Variants in OXNAD1 observed in about 807,000 individuals in gnomAD.
OXNAD1 encodes oxidoreductase NAD-binding domain-containing protein 1.
Under a neutral mutation model 32.9 loss-of-function variants are expected in OXNAD1, and 34 were observed. The ratio of observed to expected loss-of-function variants is 1.03; its 90% confidence interval spans 0.79 to 1.38. OXNAD1 has a LOEUF of 1.38. OXNAD1 is among the 40% of genes most tolerant of loss of function. OXNAD1 has a pLI of 0.00. For missense variants in OXNAD1, 407 were observed against 379.4 expected (o/e 1.07, Z -0.60); for synonymous variants, 134 against 135.2 (o/e 0.99, Z 0.06).
downstream of OXNAD1, among the ~76,000 whole-genome samples, chr3:16,311,030 C>T (rs1030648966): frequency 6.8e-6 from 1 of 147,066 alleles, no homozygotes; most frequent in African/African-American, 2.5e-5. Flanking sequence ...TGGGAGAATT[C>T]CCACTCTGCC....
Position 16,288,203 on chromosome 3 carries a change from C to T in OXNAD1, c.290+1755C>T, listed in dbSNP as rs116620636. Among the ~76,000 whole-genome samples, 4,327 of 152,224 alleles carry T rather than the reference C, an allele frequency of 0.028. 97 individuals carry two copies. Among genetic ancestry groups the T allele is most frequent in the Middle Eastern group, 0.082 (24 of 294 alleles). On this transcript the variant is annotated intron_variant, in intron 5 of 8. Transcript: ENST00000285083. This position sits in a 1 kb window ranked among gnomAD's most constrained non-coding sequence, Gnocchi z 5.1. ...GCTTTGTGCTCTAGGCTGTCTCAGACCATCAGCTTGGTAGTAACAGCCATG... is the reference window on the plus strand; with the variant it reads ...GCTTTGTGCTCTAGGCTGTCTCAGATCATCAGCTTGGTAGTAACAGCCATG...
Position 16,302,295 on chromosome 3 carries a change from C to A in OXNAD1, c.676-345C>A, listed in dbSNP as rs1271820294. On this transcript the variant is annotated intron_variant, in intron 7 of 8. Transcript: ENST00000285083. The surrounding 1 kb of genome is among the most constrained non-coding windows in gnomAD (Gnocchi z 4.2). ...TGAAGAAAGCTTTCACTGGGGATTG[C>A]TTTGCAGCTGCAGGAATGAACAAAA... 6.6e-6 allele frequency among the ~76,000 whole-genome samples: 1 copy of A among 152,156 alleles called. No individual in the cohort carries two copies. The highest frequency in any genetic ancestry group is 2.1e-4 in the South Asian group (1 of 4,826).
At position 16,288,632 on chromosome 3, in the gene OXNAD1, A is replaced by C. The variant is rs1383778639; in HGVS notation, c.290+2184A>C. On this transcript the variant is annotated intron_variant, in intron 5 of 8. Coordinates refer to ENST00000285083, the MANE Select transcript of OXNAD1 (RefSeq NM_138381.5). This position sits in a 1 kb window ranked among gnomAD's most constrained non-coding sequence, Gnocchi z 5.1. Reference sequence around the variant, plus strand: ...GGGCTGGTTCCTGTAGCAATAAACCAGTTCCAAGAACTGTAGCAATCCAAT... The same window carrying C: ...GGGCTGGTTCCTGTAGCAATAAACCCGTTCCAAGAACTGTAGCAATCCAAT... Among the ~76,000 whole-genome samples, 1 of 152,200 alleles carries C rather than the reference A, an allele frequency of 6.6e-6. No homozygotes were observed. Among genetic ancestry groups the C allele is most frequent in the African/African-American group, 2.4e-5 (1 of 41,440 alleles).
At chr3:16,281,523 A>T (rs1220458479) in intron 4 of OXNAD1, among the ~76,000 whole-genome samples, 1 of 152,220 alleles carries the variant, frequency 6.6e-6, no homozygotes, top group Non-Finnish European at 1.5e-5. Flanking sequence ...ATTGAAAAAA[A>T]ATTGAAATCC....
rs2280138 is a variant in OXNAD1, at chr3:16,303,000, C to T, written c.784+252C>T. Among the ~76,000 whole-genome samples, 1 of 152,190 alleles carries T rather than the reference C, an allele frequency of 6.6e-6. No homozygotes were observed. The highest frequency in any genetic ancestry group is 2.4e-5 in the African/African-American group (1 of 41,448). On this transcript the variant is annotated intron_variant, in intron 8 of 8. Transcript: ENST00000285083. The surrounding 1 kb of genome is among the most constrained non-coding windows in gnomAD (Gnocchi z 4.2). ...GGCCTTTGCATCATCACTGTAGTGT[C>T]CATACAAATAATTTATATTCCAGAT...
Position 16,298,125 on chromosome 3 carries a change from A to T in OXNAD1, c.432+3128A>T, listed in dbSNP as rs2066927970. Among the ~76,000 whole-genome samples, 1 of 152,138 alleles carries T rather than the reference A, an allele frequency of 6.6e-6. No homozygotes were observed. Among genetic ancestry groups the T allele is most frequent in the Non-Finnish European group, 1.5e-5 (1 of 68,030 alleles). On this transcript the variant is annotated intron_variant, in intron 6 of 8. Transcript: ENST00000285083. This position sits in a 1 kb window ranked among gnomAD's most constrained non-coding sequence, Gnocchi z 5.1. ...GTATCCTGTCACATTTTTACCCTGC[A>T]ACCTTCTGAGTCTCTCCGTCAGTGT...
chr3:16,306,186 T>G (rs1427278551), downstream of OXNAD1: 1 of 152,206 alleles, frequency 6.6e-6, no homozygotes, highest in African/African-American at 2.4e-5. Flanking sequence ...ATTTGTATCT[T>G]TCTCAGATTT....
rs781525309 is a variant in OXNAD1 at position 16,286,385 on chromosome 3, C to T, written c.227C>T (p.Pro76Leu). 1.5e-5 allele frequency: 25 copies of T among 1,613,770 alleles called. No homozygotes were observed. In the East Asian group the frequency reaches 1.8e-4, roughly 12 times the overall value. The change falls in exon 5 of 9, where the codon CCG (proline) becomes CTG (leucine). Residue 76 changes from proline to leucine, a missense_variant. By Grantham distance (98) the Pro-to-Leu change is moderately conservative (BLOSUM62 -3). Coordinates refer to ENST00000285083, the MANE Select transcript of OXNAD1 (RefSeq NM_138381.5). Reference protein sequence around the residue: ...AKVCGAASESPSVKSLRLLVA... With the variant: ...AKVCGAASESLSVKSLRLLVA... ...GTGTGTGGAGCTGCCAGTGAGTCACCGTCAGTGAAGAGCCTCCGCTTGCTT... is the reference window on the plus strand; with the variant it reads ...GTGTGTGGAGCTGCCAGTGAGTCACTGTCAGTGAAGAGCCTCCGCTTGCTT...
rs139254211 is a variant in OXNAD1, at chr3:16,302,935, A to G, written c.784+187A>G. On this transcript the variant is annotated intron_variant, in intron 8 of 8. Coordinates refer to ENST00000285083, the MANE Select transcript of OXNAD1 (RefSeq NM_138381.5). The surrounding 1 kb of genome is among the most constrained non-coding windows in gnomAD (Gnocchi z 4.2). ...TTTACTCATTATATACAGGTTTCCT[A>G]TTGCCTGTGTTAAAAGTGTACTTTT... 8.7e-3 allele frequency among the ~76,000 whole-genome samples: 1,331 copies of G among 152,320 alleles called. 12 individuals are homozygous for G. The highest frequency in any genetic ancestry group is 0.034 in the Middle Eastern group (10 of 294).
chr3:16,311,972 C>T (rs1364459347), intron 9 of OXNAD1, among the ~76,000 whole-genome samples: 2 of 152,196 alleles, frequency 1.3e-5, no homozygotes, highest in South Asian at 2.1e-4. Flanking sequence ...CTCATCCCCA[C>T]ATAAATGCAC....
At chr3:16,291,050 T>C (rs1386404598) in intron 5 of OXNAD1, among the ~76,000 whole-genome samples, 3 of 152,090 alleles carry the variant, frequency 2.0e-5, no homozygotes, top group Admixed American at 2.0e-4. Context: ...CCTAGAATCC[T>C]CACCAAAAAA....
chr3:16,286,282 C>T, intron 4 of OXNAD1, 60 bp from the exon 5 acceptor site: 1 of 1,302,010 alleles, frequency 7.7e-7, no homozygotes. Context: ...AGGATGCCAC[C>T]ATTTGTCCCT....
At chr3:16,351,901 A>G (rs1033023114), downstream of OXNAD1, among the ~76,000 whole-genome samples, 20 of 152,314 alleles carry the variant, frequency 1.3e-4, no homozygotes, top group Admixed American at 1.2e-3. This position sits in a 1 kb window ranked among gnomAD's most constrained non-coding sequence, Gnocchi z 5.4. Context: ...TCATGAAAAC[A>G]TGGATTCTGC....
rs1251319568 is a variant in OXNAD1 at position 16,271,245 on chromosome 3, C to T, written c.119+174C>T. On this transcript the variant is annotated intron_variant, in intron 3 of 8. Transcript: ENST00000285083. The surrounding 1 kb of genome is among the most constrained non-coding windows in gnomAD (Gnocchi z 4.6). ...CTGAGATGGAGTCTTGCTCCGTCGC[C>T]TGGGCTGGAGTGCAGTGGCACGATC... 7 of 770,930 alleles carry T rather than the reference C, an allele frequency of 9.1e-6. No homozygotes were observed. The South Asian group carries it at 1.3e-4, about 14-fold the overall frequency. The allele number at this position is 770,930 out of a possible 1,614,324, so 47.8% of individuals were successfully genotyped here. A position where few individuals can be genotyped will look rare whatever the true frequency, so the allele number is the denominator to read the frequency against.
In OXNAD1 at chr3:16,335,776, T is replaced by TAAAAA. The variant is rs540104859; in HGVS notation, c.*31-1321_*31-1317dup. On this transcript the variant is annotated intron_variant, in intron 9 of 9. Transcript: ENST00000435829. The surrounding 1 kb of genome is among the most constrained non-coding windows in gnomAD (Gnocchi z 4.7). ...ATCCTGCACTTGCACCCTGGAACTT[T>TAAAAA]AAAAAAAAAAAAAAAAAAAGGAGTT... is the stretch of plus-strand genomic sequence containing the variant. Among the ~76,000 whole-genome samples the TAAAAA allele has an allele frequency of 1.5e-5, 2 of 136,646 alleles. No homozygotes were observed. Among genetic ancestry groups the TAAAAA allele is most frequent in the Non-Finnish European group, 3.2e-5 (2 of 62,552 alleles). 89.6% of individuals were successfully genotyped at this position (136,646 alleles called of 152,430 possible).
chr3:16,282,037 A>AT (rs779324288), intron 4 of OXNAD1, among the ~76,000 whole-genome samples: 3,928 of 95,658 alleles, frequency 0.041, 115 homozygotes, highest in Admixed American at 0.054. Flanking sequence ...AATGTTTGTA[A>AT]TTTTTTTTTT....
chr3:16,326,179 C>G (rs1327335022), intron 9 of OXNAD1, among the ~76,000 whole-genome samples: 2 of 152,214 alleles, frequency 1.3e-5, no homozygotes, highest in East Asian at 1.9e-4. Flanking sequence ...TGACTGGGCT[C>G]AAGGGAGCGT....
Position 16,335,121 on chromosome 3 carries a change from C to G in OXNAD1, c.*31-1991C>G, listed in dbSNP as rs147487560. Among the ~76,000 whole-genome samples, 1 of 152,214 alleles carries G rather than the reference C, an allele frequency of 6.6e-6. No homozygotes were observed. Among genetic ancestry groups the G allele is most frequent in the African/African-American group, 2.4e-5 (1 of 41,452 alleles). ...CAACAAATGTAAGACAATAAACTTG[C>G]GTTGTTTTAAGTCACTAAATCTGTG... On this transcript the variant is annotated intron_variant, in intron 9 of 9. Transcript: ENST00000435829. The surrounding 1 kb of genome is among the most constrained non-coding windows in gnomAD (Gnocchi z 4.7).
rs1010048343 is a variant in OXNAD1, at chr3:16,314,392, C to G, written c.*30+10800C>G. On this transcript the variant is annotated intron_variant, in intron 9 of 9. Coordinates refer to the OXNAD1 transcript ENST00000435829. This position sits in a 1 kb window ranked among gnomAD's most constrained non-coding sequence, Gnocchi z 4.4. ...ATTTCACAAGCTGTGTTTCAACTGA[C>G]AGAGACCCTGTGGCCAGTGGTATTC... 6.6e-5 allele frequency: 10 copies of G among 152,172 alleles called. No individual in the cohort carries two copies. Among genetic ancestry groups the G allele is most frequent in the African/African-American group, 2.4e-4 (10 of 41,442 alleles). 9.4% of individuals were successfully genotyped at this position (152,172 alleles called of 1,614,324 possible).
Sources: allele counts gnomAD v4.1 joint callset (sites outside exome capture counted in the v4.1 genomes callset), GRCh38; gene constraint gnomAD v4.1.1; non-coding constraint Gnocchi (gnomAD v3.1); transcripts MANE v1.5; gene names NCBI Gene and HGNC (gene_info 2026-07-23, HGNC 2026-07-21).